Variants in DYNC2H1 observed in about 807,000 individuals in gnomAD.
The protein encoded by DYNC2H1 is dynein cytoplasmic 2 heavy chain 1, also known as cytoplasmic dynein 2 heavy chain 1.
A neutral mutation model predicts 570.0 loss-of-function variants in DYNC2H1; 410 were observed. The ratio of observed to expected loss-of-function variants is 0.72; its 90% CI spans 0.66 to 0.78. The LOEUF (loss-of-function observed/expected upper bound fraction) is 0.78. Among genes scored for constraint, DYNC2H1 ranks in the 30% least tolerant of loss-of-function variants. The pLI, the probability that DYNC2H1 is intolerant of heterozygous loss-of-function variation, is 0.00. For synonymous variants in DYNC2H1, 1,688 were observed against 1,677.6 expected (o/e 1.01, Z -0.15); for missense variants, 4,865 against 5,046.4 (o/e 0.96, Z 1.09).
In DYNC2H1 at chr11:103,305,020, G is replaced by A. The variant is rs918535645; in HGVS notation, c.11382+300G>A. Among the ~76,000 whole-genome samples, 4 of 152,074 alleles carry A rather than the reference G, an allele frequency of 2.6e-5. No individual in the cohort carries two copies. The highest frequency in any genetic ancestry group is 5.9e-5 in the Non-Finnish European group (4 of 68,012). On this transcript the variant is annotated intron_variant, in intron 77 of 88. Transcript: ENST00000375735. This position sits in a 1 kb window ranked among gnomAD's most constrained non-coding sequence, Gnocchi z 4.3. ...GAGTTTCTTTTTTTGCTCTTATTCTGTTGATCTGTATTGGGAGAAGAGACA... is the reference window on the plus strand; with the variant it reads ...GAGTTTCTTTTTTTGCTCTTATTCTATTGATCTGTATTGGGAGAAGAGACA...
chr11:103,111,718 T>A (rs1858124240), intron 1 of DYNC2H1, among the ~76,000 whole-genome samples: 1 of 152,170 alleles, frequency 6.6e-6, no homozygotes, highest in Non-Finnish European at 1.5e-5. Context: ...AAGCTATTAC[T>A]AGTAAAGCCC....
At chr11:103,220,832 A>G (rs1368081942) in intron 57 of DYNC2H1, 49 bp downstream of exon 57, 1 of 1,517,172 alleles carries the variant, frequency 6.6e-7, no homozygotes, top group African/African-American at 1.4e-5. Flanking sequence ...TGAATGACAC[A>G]TTCTTTCGTA....
At chr11:103,273,442 C>A (rs1415165027) in intron 70 of DYNC2H1, among the ~76,000 whole-genome samples, 1 of 152,158 alleles carries the variant, frequency 6.6e-6, no homozygotes, top group Non-Finnish European at 1.5e-5. Context: ...GCCCGCCTCT[C>A]CCTCCCAGGA....
In DYNC2H1 at chr11:103,228,619, G is replaced by A. The variant is rs915239674; in HGVS notation, c.9354-2641G>A. On this transcript the variant is annotated intron_variant, in intron 59 of 88. Transcript: ENST00000375735. The surrounding 1 kb of genome is among the most constrained non-coding windows in gnomAD (Gnocchi z 6.1). ...GGGGAATGAAGTGAACTCTGTGATG[G>A]TCATTGGTTGTGTTTTTGTTTAGTG... Among the ~76,000 whole-genome samples the A allele has an allele frequency of 1.3e-5, 2 of 150,140 alleles. No homozygotes were observed. Among genetic ancestry groups the A allele is most frequent in the African/African-American group, 4.8e-5 (2 of 41,478 alleles).
chr11:103,449,340 G>C (rs560491856), intron 85 of DYNC2H1, among the ~76,000 whole-genome samples: 1 of 152,298 alleles, frequency 6.6e-6, no homozygotes, highest in East Asian at 1.9e-4. Flanking sequence ...ATAACTCTGG[G>C]CAACTTTTGA....
rs1002297214 is a variant in DYNC2H1, at chr11:103,334,110, C to T, written c.12039+10120C>T. ...TGAACAAAAGTCAGAAAAATATGGG[C>T]CAACTTTACCTTTGAAAATATCCTT... On this transcript the variant is annotated intron_variant, in intron 82 of 88. Coordinates refer to ENST00000375735, the MANE Select transcript of DYNC2H1 (RefSeq NM_001377.3). This position sits in a 1 kb window ranked among gnomAD's most constrained non-coding sequence, Gnocchi z 4.3. Among the ~76,000 whole-genome samples the T allele has an allele frequency of 2.0e-5, 3 of 152,006 alleles. No individual in the cohort carries two copies. Among genetic ancestry groups the T allele is most frequent in the African/African-American group, 4.8e-5 (2 of 41,382 alleles).
At chr11:103,413,147 T>C (rs1943149958) in intron 84 of DYNC2H1, among the ~76,000 whole-genome samples, 1 of 152,220 alleles carries the variant, frequency 6.6e-6, no homozygotes, top group Non-Finnish European at 1.5e-5. Context: ...GTACCTGCCA[T>C]GTCACCTTTC....
chr11:103,171,696 C>G (rs993635132), intron 34 of DYNC2H1, among the ~76,000 whole-genome samples: 1 of 152,134 alleles, frequency 6.6e-6, no homozygotes, highest in Non-Finnish European at 1.5e-5. Context: ...ATTACCACAA[C>G]CCTTTGAAGT....
At chr11:103,371,801 T>A (rs1941156638) in intron 83 of DYNC2H1, among the ~76,000 whole-genome samples, 1 of 152,114 alleles carries the variant, frequency 6.6e-6, no homozygotes, top group Non-Finnish European at 1.5e-5. Flanking sequence ...ATGTTAATTT[T>A]GTATCATGAA....
rs548461924 is a variant in DYNC2H1 at position 103,135,901 on chromosome 11, G to A, written c.2527G>A (p.Ala843Thr). ...ASGFLTIFSKAEDLFRRLSAV... is the reference protein window; with the variant it reads ...ASGFLTIFSKTEDLFRRLSAV... ...TGGATTTTTGACGATTTTCAGCAAA[G>A]CAGAAGATCTGTTTAGAAGATTGTC... The change falls in exon 17 of 89, where the codon GCA (alanine) becomes ACA (threonine). Residue 843 changes from alanine (A) to threonine (T), a missense_variant. Transcript: ENST00000375735. 375 of 1,612,768 alleles carry A rather than the reference G, an allele frequency of 2.3e-4. 8 individuals carry two copies. In the South Asian group the frequency reaches 3.9e-3, roughly 17 times the overall value.
At chr11:103,392,782 T>C (rs1942219495) in intron 83 of DYNC2H1, among the ~76,000 whole-genome samples, 1 of 152,168 alleles carries the variant, frequency 6.6e-6, no homozygotes, top group Non-Finnish European at 1.5e-5. Context: ...AAAAAAGTCT[T>C]CCTGTTGGTT....
At position 103,181,286 on chromosome 11, in the gene DYNC2H1, A is replaced by G. The variant is rs1292232954; in HGVS notation, c.6348-471A>G. Among the ~76,000 whole-genome samples the G allele has an allele frequency of 6.6e-6, 1 of 151,570 alleles. No homozygotes were observed. Among genetic ancestry groups the G allele is most frequent in the African/African-American group, 2.4e-5 (1 of 41,374 alleles). ...TTAGATCAGTGCATTTTAAACTCTA[A>G]TGTGCATTTGAATCATCAAGGGGTC... On this transcript the variant is annotated intron_variant, in intron 39 of 88. Transcript: ENST00000375735. This position sits in a 1 kb window ranked among gnomAD's most constrained non-coding sequence, Gnocchi z 5.0.
chr11:103,302,905 C>T (rs183236824), intron 75 of DYNC2H1, among the ~76,000 whole-genome samples, 188 bp from the exon 76 acceptor site: 354 of 151,876 alleles, frequency 2.3e-3, no homozygotes, highest in Admixed American at 3.3e-3. Context: ...GAAAAATGCC[C>T]GGCACCTTAA....
At chr11:103,445,953 T>A (rs17100905) in intron 85 of DYNC2H1, among the ~76,000 whole-genome samples, 1 of 151,722 alleles carries the variant, frequency 6.6e-6, no homozygotes, top group African/African-American at 2.4e-5. Context: ...TGCGCGGCCC[T>A]TGATTTCAAA....
intron 75 of DYNC2H1, among the ~76,000 whole-genome samples, chr11:103,292,159 T>C (rs910137594): frequency 1.5e-5 from 1 of 66,064 alleles, no homozygotes; most frequent in African/African-American, 4.4e-5. Flanking sequence ...TCTTCTTCTC[T>C]TTTTTTTTTT....
At chr11:103,195,557 G>A (rs1193741409) in intron 47 of DYNC2H1, among the ~76,000 whole-genome samples, 1 of 152,198 alleles carries the variant, frequency 6.6e-6, no homozygotes, top group African/African-American at 2.4e-5. Flanking sequence ...TATGAGTTGT[G>A]AAATTGGTTT....
In DYNC2H1 at chr11:103,156,664, A is replaced by C. The variant is rs758518052; in HGVS notation, c.4021A>C (p.Asn1341His). 5 of 1,613,248 alleles carry C rather than the reference A, an allele frequency of 3.1e-6. No homozygotes were observed. The highest frequency in any genetic ancestry group is 2.2e-5 in the South Asian group (2 of 90,910). Residue 1341 changes from asparagine to histidine, a missense_variant, in exon 26 of 89, where the codon AAT becomes CAT. This residue lies in a region of DYNC2H1 where 1,936 missense variants were observed against 1,962.1 expected (regional missense o/e 0.99). Transcript: ENST00000375735. ...KLAELDEYLQ[N>H]LNHIQRKWVY... The stretch of plus-strand genomic sequence containing the variant: ...TGCAGAGTTAGATGAATACCTGCAG[A>C]ATTTAAATCATATTCAGAGAAAGTG...
At chr11:103,121,521 G>T (rs754388668) in intron 10 of DYNC2H1, 25 bp downstream of exon 10, 1 of 1,607,670 alleles carries the variant, frequency 6.2e-7, no homozygotes, top group Non-Finnish European at 8.5e-7. Flanking sequence ...AAAAGATGAA[G>T]AGTACTAATT....
At chr11:103,175,032 A>G (rs1454404464) in intron 36 of DYNC2H1, among the ~76,000 whole-genome samples, 1 of 152,130 alleles carries the variant, frequency 6.6e-6, no homozygotes, top group Non-Finnish European at 1.5e-5. Flanking sequence ...TGTATTCATT[A>G]ACTCATTTAT....
Sources: gnomAD v4.1 joint callset for allele counts (sites outside exome capture counted in the v4.1 genomes callset) on GRCh38, gnomAD v4.1.1 for gene constraint, gnomAD v4.1.1 regional missense constraint, Gnocchi (gnomAD v3.1) non-coding constraint, MANE v1.5 for transcripts, NCBI Gene and HGNC (gene_info 2026-07-23, HGNC 2026-07-21) for gene names.